LGR5: variants seen among roughly 807,000 people sequenced by gnomAD.
The protein encoded by LGR5 is leucine-rich repeat-containing G protein-coupled receptor 5.
Under a neutral mutation model 76.7 loss-of-function variants are expected in LGR5, and 54 were observed. The ratio of observed to expected loss-of-function variants is 0.70; its 90% confidence interval spans 0.57 to 0.88. The LOEUF is 0.88. Among genes scored for constraint, LGR5 ranks in the 40% least tolerant of loss-of-function variants. The probability of loss-of-function intolerance (pLI) is 0.00; values close to 1 mark genes in which losing one functional copy is unlikely to be tolerated. For synonymous variants in LGR5, 406 were observed against 421.9 expected (o/e 0.96, Z 0.46); for missense variants, 1,078 against 1,073.3 (o/e 1.00, Z -0.06).
At chr12:71,468,994 A>C (rs924238465) in intron 1 of LGR5, among the ~76,000 whole-genome samples, 1 of 152,156 alleles carries the variant, frequency 6.6e-6, no homozygotes, top group Non-Finnish European at 1.5e-5. Flanking sequence ...ACATTGTTCG[A>C]AAAGAGAATT....
intron 1 of LGR5, among the ~76,000 whole-genome samples, chr12:71,500,999 T>C (rs1019214561): frequency 6.6e-6 from 1 of 152,218 alleles, no homozygotes; most frequent in African/African-American, 2.4e-5. Context: ...CAAAATTAAT[T>C]TCTACATCTT....
intron 1 of LGR5, among the ~76,000 whole-genome samples, chr12:71,464,790 G>A (rs1376450176): frequency 6.6e-6 from 1 of 152,090 alleles, no homozygotes; most frequent in African/African-American, 2.4e-5. Flanking sequence ...TTCAAAGTTG[G>A]CATGAGATTT....
Position 71,584,880 on chromosome 12 carries a change from G to A in LGR5, c.*146G>A, listed in dbSNP as rs1256941383. On this transcript the variant is annotated 3_prime_UTR_variant, in exon 18 of 18. Coordinates refer to ENST00000266674, the MANE Select transcript of LGR5 (RefSeq NM_003667.4). Reference sequence around the variant, plus strand: ...ATCTCTCAGTTAGTAAGAAAAGGCTGAAAACCTCTTGATACTTGAGAGTGA... The same window carrying A: ...ATCTCTCAGTTAGTAAGAAAAGGCTAAAAACCTCTTGATACTTGAGAGTGA... 1.3e-6 allele frequency: 1 copy of A among 758,210 alleles called. No homozygotes were observed. Among genetic ancestry groups the A allele is most frequent in the Non-Finnish European group, 2.1e-6 (1 of 473,026 alleles). The allele number at this position is 758,210 out of a possible 1,614,324, so 47.0% of individuals were successfully genotyped here.
At chr12:71,574,974 C>A (rs1878784612) in intron 13 of LGR5, among the ~76,000 whole-genome samples, 1 of 152,130 alleles carries the variant, frequency 6.6e-6, no homozygotes, top group South Asian at 2.1e-4. Context: ...ACTTCTAGCC[C>A]AGGGTCTAGT....
At chr12:71,469,825 G>A (rs961139703) in intron 1 of LGR5, among the ~76,000 whole-genome samples, 1 of 152,020 alleles carries the variant, frequency 6.6e-6, no homozygotes, top group African/African-American at 2.4e-5. Context: ...CTGCCTCCCC[G>A]CCGCCCCACC....
intron 4 of LGR5, among the ~76,000 whole-genome samples, chr12:71,540,625 A>T (rs1289844176): frequency 1.3e-5 from 2 of 152,156 alleles, no homozygotes; most frequent in African/African-American, 4.8e-5. Context: ...GTCAAAAAAG[A>T]GAGAGAAAAT....
chr12:71,447,544 AAT>A (rs1193308393), intron 1 of LGR5, among the ~76,000 whole-genome samples: 26 of 152,150 alleles, frequency 1.7e-4, no homozygotes. Context: ...CTAATTTTCA[AAT>A]GTCCTATTTT....
intron 1 of LGR5, among the ~76,000 whole-genome samples, chr12:71,479,687 C>G (rs1188211981): frequency 6.6e-6 from 1 of 151,932 alleles, no homozygotes; most frequent in African/African-American, 2.4e-5. Context: ...TGAAGAGGAG[C>G]CAGCCATTGG....
intron 4 of LGR5, among the ~76,000 whole-genome samples, chr12:71,539,434 G>A (rs1876763203): frequency 6.6e-6 from 1 of 152,130 alleles, no homozygotes; most frequent in African/African-American, 2.4e-5. Context: ...TACAAAAGAT[G>A]TTTTGTTCAT....
intron 4 of LGR5, among the ~76,000 whole-genome samples, chr12:71,548,790 A>C (rs965090822): frequency 6.7e-6 from 1 of 149,786 alleles, no homozygotes. Context: ...AAATCTCTGC[A>C]CTAATTTATG....
intron 1 of LGR5, among the ~76,000 whole-genome samples, chr12:71,495,437 C>G (rs1351581004): frequency 2.0e-5 from 3 of 151,336 alleles, no homozygotes; most frequent in Non-Finnish European, 4.4e-5. Flanking sequence ...TTAAGTTTAG[C>G]TTATATCTGC....
intron 1 of LGR5, among the ~76,000 whole-genome samples, chr12:71,482,114 T>G (rs1471737221): frequency 6.6e-6 from 1 of 152,208 alleles, no homozygotes; most frequent in Non-Finnish European, 1.5e-5. Context: ...ATTAGAAGTT[T>G]ACTTTTTCTT....
Position 71,440,052 on chromosome 12 carries a change from C to G in LGR5, c.-29C>G. On this transcript the variant is annotated 5_prime_UTR_variant, in exon 1 of 18. Coordinates refer to ENST00000266674, the MANE Select transcript of LGR5 (RefSeq NM_003667.4). The surrounding 1 kb of genome is among the most constrained non-coding windows in gnomAD (Gnocchi z 5.3). ...GTCCGGTGCTGCTCTCCGCCCGCGT[C>G]CGGCTCGTGGCCCCCTACTTCGGGC... 10 of 1,595,134 alleles carry G rather than the reference C, an allele frequency of 6.3e-6. No individual in the cohort carries two copies. Among genetic ancestry groups the G allele is most frequent in the East Asian group, 2.2e-5 (1 of 44,806 alleles).
chr12:71,515,854 A>G (rs1273212979), intron 2 of LGR5, among the ~76,000 whole-genome samples: 1 of 152,210 alleles, frequency 6.6e-6, no homozygotes, highest in African/African-American at 2.4e-5. Context: ...TTCTACTCCA[A>G]TTATTTAAGT....
chr12:71,487,237 T>G (rs1023082713), intron 1 of LGR5, among the ~76,000 whole-genome samples: 2 of 152,216 alleles, frequency 1.3e-5, no homozygotes, highest in African/African-American at 2.4e-5. Context: ...ATTTTATAAA[T>G]GTGATAAAGT....
At position 71,497,971 on chromosome 12, in the gene LGR5, C is replaced by T. The variant is rs145015517; in HGVS notation, c.213-6643C>T. Among the ~76,000 whole-genome samples the T allele has an allele frequency of 3.5e-3, 526 of 152,100 alleles. 4 individuals carry two copies. Among genetic ancestry groups the T allele is most frequent in the Middle Eastern group, 0.02 (6 of 294 alleles). On this transcript the variant is annotated intron_variant, in intron 1 of 17. Coordinates refer to ENST00000266674, the MANE Select transcript of LGR5 (RefSeq NM_003667.4). ...CAAAGTACCTACTTTAGTCATCTCC[C>T]TCACAACAAATCCATAGAAATGATA...
intron 11 of LGR5, among the ~76,000 whole-genome samples, chr12:71,567,698 TC>T (rs2137445630): frequency 6.6e-6 from 1 of 152,284 alleles, no homozygotes; most frequent in South Asian, 2.1e-4. Context: ...AATGGCTGCC[TC>T]TGTGATTCTG....
At chr12:71,558,310 C>T (rs1148983) in intron 6 of LGR5, among the ~76,000 whole-genome samples, 141,593 of 151,744 alleles carry the variant, frequency 0.93, 66,847 homozygotes, top group East Asian at 1. Context: ...TCTTTTTTTT[C>T]CCCTCAATGT....
intron 4 of LGR5, among the ~76,000 whole-genome samples, chr12:71,537,548 T>C (rs1434969073): frequency 2.6e-5 from 4 of 152,130 alleles, no homozygotes; most frequent in Non-Finnish European, 5.9e-5. Flanking sequence ...GCAGATACCA[T>C]ATTGTACCAA....
Sources: allele counts gnomAD v4.1 joint callset (sites outside exome capture counted in the v4.1 genomes callset), GRCh38; gene constraint gnomAD v4.1.1; non-coding constraint Gnocchi (gnomAD v3.1); transcripts MANE v1.5; gene names NCBI Gene and HGNC (gene_info 2026-07-23, HGNC 2026-07-21).